Variants in NEBL observed in about 807,000 individuals in gnomAD.
NEBL encodes LIM and SH3 protein 2.
Under a neutral mutation model 140.2 loss-of-function variants are expected in NEBL, and 122 were observed. That is an observed-to-expected ratio of 0.87 (90% CI 0.75 to 1.01). The LOEUF (loss-of-function observed/expected upper bound fraction) is 1.01, where lower values mean the gene tolerates loss of function less well. NEBL is among the 50% of genes least tolerant of loss of function. The pLI, the probability that NEBL is intolerant of heterozygous loss-of-function variation, is 0.00. For missense variants in NEBL, 1,365 were observed against 1,231.3 expected (o/e 1.11, Z -1.62); for synonymous variants, 436 against 398.9 (o/e 1.09, Z -1.11).
chr10:21,033,932 G>A (rs185131728), intron 2 of NEBL, among the ~76,000 whole-genome samples: 5 of 151,790 alleles, frequency 3.3e-5, no homozygotes, highest in East Asian at 1.9e-4. Context: ...TTGGGAGGCC[G>A]AGGCGGGTGG....
intron 2 of NEBL, among the ~76,000 whole-genome samples, chr10:21,113,977 C>G (rs191052536): frequency 7.2e-5 from 11 of 152,010 alleles, no homozygotes; most frequent in Non-Finnish European, 1.5e-4. Context: ...TCTTCTTTTT[C>G]TAGTTTCTTA....
intron 3 of NEBL, among the ~76,000 whole-genome samples, chr10:21,198,836 T>C (rs1841690927): frequency 6.6e-6 from 1 of 152,058 alleles, no homozygotes; most frequent in African/African-American, 2.4e-5. Flanking sequence ...AATTATTGAA[T>C]AATCAGAAAG....
chr10:21,170,993 C>G (rs915228568), intron 2 of NEBL, among the ~76,000 whole-genome samples: 1 of 152,146 alleles, frequency 6.6e-6, no homozygotes, highest in African/African-American at 2.4e-5. Context: ...CCAAAGGCCC[C>G]TTTGCTGCCT....
chr10:20,826,562 G>T (rs192163861), intron 17 of NEBL, 23 bp from the exon 18 acceptor site: 57 of 1,542,390 alleles, frequency 3.7e-5, no homozygotes, highest in South Asian at 3.6e-4. Flanking sequence ...AAAAGGAAAA[G>T]AATAACTAAG....
In NEBL at chr10:21,002,023, G is replaced by C. The variant is rs114821984; in HGVS notation, c.249+18094C>G. ...AGGTAGTAATTAAGGTGATTTGTTA[G>C]TTAGTTGGGTTTTTCTACACGTATT... On this transcript the variant is annotated intron_variant, in intron 3 of 6. Transcript: ENST00000417816. 4.9e-3 allele frequency among the ~76,000 whole-genome samples: 753 copies of C among 152,268 alleles called. 6 individuals are homozygous for C. Among genetic ancestry groups the C allele is most frequent in the African/African-American group, 0.017 (716 of 41,566 alleles).
intron 2 of NEBL, among the ~76,000 whole-genome samples, chr10:21,121,529 G>A (rs1053129533): frequency 6.6e-6 from 1 of 152,124 alleles, no homozygotes; most frequent in East Asian, 1.9e-4. Flanking sequence ...CCAAATCAAT[G>A]TATGCCTATC....
Position 21,173,624 on chromosome 10 carries a change from C to A in NEBL, c.69+141G>T. ...TGACACTCCCGCTGGCGTCTTCGTTCGCGCGCCCTCCCCCCGTGCCAAGGC... is the reference window on the plus strand; with the variant it reads ...TGACACTCCCGCTGGCGTCTTCGTTAGCGCGCCCTCCCCCCGTGCCAAGGC... On this transcript the variant is annotated intron_variant, in intron 1 of 6. Transcript: ENST00000417816. The surrounding 1 kb of genome is among the most constrained non-coding windows in gnomAD (Gnocchi z 5.7). 1 of 1,398,572 alleles carries A rather than the reference C, an allele frequency of 7.2e-7. No homozygotes were observed. The highest frequency in any genetic ancestry group is 1.2e-5 in the South Asian group (1 of 82,656). The allele number at this position is 1,398,572 out of a possible 1,614,324, so 86.6% of individuals were successfully genotyped here.
At chr10:21,074,488 T>G (rs959594944) in intron 2 of NEBL, among the ~76,000 whole-genome samples, 4 of 151,904 alleles carry the variant, frequency 2.6e-5, no homozygotes, top group African/African-American at 9.7e-5. Flanking sequence ...TTTTTCTTTT[T>G]TTTTTTTTTG....
chr10:21,029,777 G>T (rs2131801299), intron 2 of NEBL: 2 of 763,158 alleles, frequency 2.6e-6, no homozygotes, highest in Middle Eastern at 2.9e-4. Context: ...GGATCGCTAT[G>T]ATGACCGAGG....
chr10:20,795,223 C>A (rs572500803), intron 26 of NEBL, among the ~76,000 whole-genome samples: 2 of 152,074 alleles, frequency 1.3e-5, no homozygotes, highest in South Asian at 2.1e-4. Context: ...CTGCTTGGGG[C>A]AGTAGAAGTG....
intron 4 of NEBL, among the ~76,000 whole-genome samples, chr10:20,915,596 T>G (rs948587999): frequency 5.9e-5 from 9 of 151,872 alleles, no homozygotes; most frequent in Non-Finnish European, 1.2e-4. Flanking sequence ...CATCATTTTT[T>G]ATGGCTGCAT....
At chr10:20,829,451 G>C (rs932398765) in intron 16 of NEBL, among the ~76,000 whole-genome samples, 1 of 145,586 alleles carries the variant, frequency 6.9e-6, no homozygotes, top group Non-Finnish European at 1.5e-5. Flanking sequence ...TAGGGGGAGG[G>C]GGGAGGGATA....
chr10:21,268,517 T>G (rs1429098986), intron 1 of NEBL, among the ~76,000 whole-genome samples: 7 of 133,768 alleles, frequency 5.2e-5, no homozygotes, highest in Non-Finnish European at 7.7e-5. Flanking sequence ...ATAAAAATTT[T>G]AATTTAATTT....
intron 4 of NEBL, among the ~76,000 whole-genome samples, chr10:20,949,634 T>C (rs1251572955): frequency 6.6e-6 from 1 of 152,092 alleles, no homozygotes; most frequent in Non-Finnish European, 1.5e-5. Flanking sequence ...AAGATACTGA[T>C]TTTTTTTAAC....
intron 10 of NEBL, among the ~76,000 whole-genome samples, chr10:20,851,302 AAAT>A (rs1303385690): frequency 1.3e-5 from 2 of 152,104 alleles, no homozygotes; most frequent in Admixed American, 1.3e-4. Flanking sequence ...TAAGTTATTA[AAAT>A]AATAATGTTA....
At chr10:21,084,014 G>GA (rs927534551) in intron 2 of NEBL, among the ~76,000 whole-genome samples, 47 of 152,152 alleles carry the variant, frequency 3.1e-4, no homozygotes, top group African/African-American at 9.2e-4. Context: ...GTCATCTTGG[G>GA]AAAAAAACCC....
At chr10:21,018,792 G>A (rs1031491054) in intron 3 of NEBL, among the ~76,000 whole-genome samples, 5 of 152,176 alleles carry the variant, frequency 3.3e-5, no homozygotes, top group Non-Finnish European at 5.9e-5. Context: ...CACTTTGGGA[G>A]GCCGAGGCAG....
upstream of NEBL, chr10:21,174,587 C>T (rs1589314903): frequency 6.6e-6 from 1 of 152,324 alleles, no homozygotes; most frequent in African/African-American, 2.4e-5. Context: ...CAGTGAAACC[C>T]GGGACAGCGG....
chr10:21,278,087 G>A (rs1842946253), intron 1 of NEBL, among the ~76,000 whole-genome samples: 1 of 152,222 alleles, frequency 6.6e-6, no homozygotes, highest in African/African-American at 2.4e-5. Context: ...GGAAACGCCA[G>A]CACCACAGAA....
Sources: allele counts gnomAD v4.1 joint callset (sites outside exome capture counted in the v4.1 genomes callset), GRCh38; gene constraint gnomAD v4.1.1; non-coding constraint Gnocchi (gnomAD v3.1); transcripts MANE v1.5; gene names NCBI Gene and HGNC (gene_info 2026-07-23, HGNC 2026-07-21).